The following AHSG variants were observed in gnomAD, a reference collection of about 807,000 sequenced individuals.
The protein encoded by AHSG is alpha-2-HS-glycoprotein.
In AHSG, 23 loss-of-function variants were observed where a neutral mutation model predicts 30.1. That is an observed-to-expected ratio of 0.76 (90% CI 0.55 to 1.08). AHSG has a LOEUF of 1.08. AHSG is among the 50% of genes least tolerant of loss of function. The probability of loss-of-function intolerance (pLI) is 0.00; values close to 1 mark genes in which losing one functional copy is unlikely to be tolerated. For synonymous variants in AHSG, 164 were observed against 186.3 expected (o/e 0.88, Z 0.98); for missense variants, 469 against 459.5 (o/e 1.02, Z -0.19).
Position 186,621,004 on chromosome 3 carries a change from T to TG in AHSG, c.*80dup, listed in dbSNP as rs1299682986. On this transcript the variant is annotated 3_prime_UTR_variant, in exon 7 of 7. Coordinates refer to ENST00000411641, the MANE Select transcript of AHSG (RefSeq NM_001622.4). ...CATTTTGTCCAAGCCTGGGCATGGGTGGGGGGCCTTGTCTGCTGGCCACGC... is the reference window on the plus strand; with the variant it reads ...CATTTTGTCCAAGCCTGGGCATGGGTGGGGGGGCCTTGTCTGCTGGCCACGC... The TG allele has an allele frequency of 5.5e-5, 79 of 1,444,154 alleles. No homozygotes were observed. Among genetic ancestry groups the TG allele is most frequent in the Non-Finnish European group, 7.1e-5 (75 of 1,058,582 alleles). The allele number at this position is 1,444,154 out of a possible 1,614,324, so 89.5% of individuals were successfully genotyped here.
At chr3:186,616,844 C>A (rs1378110090) in intron 3 of AHSG, among the ~76,000 whole-genome samples, 1 of 152,120 alleles carries the variant, frequency 6.6e-6, no homozygotes, top group African/African-American at 2.4e-5. Context: ...CGCCTGTAAT[C>A]CCAGCTACTA....
At position 186,620,763 on chromosome 3, in the gene AHSG, C is replaced by A. The variant is rs894849205; in HGVS notation, c.937C>A (p.His313Asn). ...TCCAGGACACCAGTTGCACCGGGCG[C>A]ACTACGACCTGCGCCACACCTTCAT... ...APPGHQLHRA[H>N]YDLRHTFMGV... Residue 313 changes from histidine to asparagine, a missense_variant, in exon 7 of 7, where the codon CAC becomes AAC. Transcript: ENST00000411641. The A allele has an allele frequency of 6.2e-7, 1 of 1,614,200 alleles. No homozygotes were observed. The highest frequency in any genetic ancestry group is 8.5e-7 in the Non-Finnish European group (1 of 1,180,050).
chr3:186,619,213 T>C (rs1364690111), intron 5 of AHSG, among the ~76,000 whole-genome samples: 1 of 152,030 alleles, frequency 6.6e-6, no homozygotes, highest in African/African-American at 2.4e-5. Flanking sequence ...AGGAGAATGG[T>C]GTGAACCCAG....
intron 1 of AHSG, among the ~76,000 whole-genome samples, chr3:186,615,194 G>C (rs1393996216): frequency 6.6e-6 from 1 of 151,946 alleles, no homozygotes; most frequent in Non-Finnish European, 1.5e-5. Flanking sequence ...AAGAAAGAAA[G>C]AAGGAGAGGG....
In AHSG at chr3:186,615,866, C is replaced by A. The variant is rs752028863; in HGVS notation, c.324+71C>A. 2.6e-5 allele frequency: 36 copies of A among 1,401,196 alleles called. 1 individual carries two copies. The highest frequency in any genetic ancestry group is 3.6e-4 in the Middle Eastern group (2 of 5,508). The allele number at this position is 1,401,196 out of a possible 1,614,324, so 86.8% of individuals were successfully genotyped here. A position where few individuals can be genotyped will look rare whatever the true frequency, so the allele number is the denominator to read the frequency against. ...TCCACCGATTCACCCAGCGTCTCAGCCTGCCTTCTTGGCTAGCCAGGGTGC... is the reference window on the plus strand; with the variant it reads ...TCCACCGATTCACCCAGCGTCTCAGACTGCCTTCTTGGCTAGCCAGGGTGC... On this transcript the variant is annotated intron_variant, in intron 2 of 6. Transcript: ENST00000411641.
At position 186,621,062 on chromosome 3, in the gene AHSG, T is replaced by C. The variant is rs145993365; in HGVS notation, c.*132T>C. The stretch of plus-strand genomic sequence containing the variant: ...ACATGCGATCTACATTAATATCAAG[T>C]CTTGACTCCCTACTTCCCGTCATTC... On this transcript the variant is annotated 3_prime_UTR_variant, in exon 7 of 7. Coordinates refer to ENST00000411641, the MANE Select transcript of AHSG (RefSeq NM_001622.4). 4.8e-6 allele frequency: 4 copies of C among 841,716 alleles called. No homozygotes were observed. The highest frequency in any genetic ancestry group is 2.9e-4 in the Middle Eastern group (1 of 3,406). 52.1% of individuals were successfully genotyped at this position (841,716 alleles called of 1,614,324 possible).
At chr3:186,619,688 T>G (rs1277367920) in intron 5 of AHSG, among the ~76,000 whole-genome samples, 169 bp from the exon 6 acceptor site, 2 of 152,152 alleles carry the variant, frequency 1.3e-5, no homozygotes, top group Admixed American at 1.3e-4. Flanking sequence ...ACTCTCAAAG[T>G]ATTTCTGTAT....
At chr3:186,616,985 T>TA (rs1485533801) in intron 3 of AHSG, among the ~76,000 whole-genome samples, 1 of 152,222 alleles carries the variant, frequency 6.6e-6, no homozygotes, top group Admixed American at 6.5e-5. Flanking sequence ...AAGTTATTCT[T>TA]ACTGGAAGTG....
intron 4 of AHSG, chr3:186,617,806 G>C (rs750856057): frequency 1.2e-5 from 3 of 243,510 alleles, no homozygotes; most frequent in Non-Finnish European, 2.5e-5. Context: ...AATGCCTTTC[G>C]AGTCACTGGA....
At chr3:186,616,352 A>G (rs1322845910) in intron 2 of AHSG, 91 bp from the exon 3 acceptor site, 2 of 929,200 alleles carry the variant, frequency 2.2e-6, no homozygotes, top group Non-Finnish European at 3.3e-6. Context: ...GCGATTTTGC[A>G]AGGGTCACCT....
chr3:186,613,444 G>T, intron 1 of AHSG, 90 bp downstream of exon 1: 1 of 1,198,892 alleles, frequency 8.3e-7, no homozygotes, highest in Non-Finnish European at 1.2e-6. Context: ...CAGTGCAAAT[G>T]AAACCACAGA....
At position 186,618,622 on chromosome 3, in the gene AHSG, C is replaced by T. The variant is rs769132385; in HGVS notation, c.660C>T (p.Asn220=). 6.2e-7 allele frequency: 1 copy of T among 1,614,096 alleles called. No homozygotes were observed. Among genetic ancestry groups the T allele is most frequent in the East Asian group, 2.2e-5 (1 of 44,878 alleles). ...AKEATEAAKC[N]LLAEKQYGFC... ...AGGCCACAGAGGCAGCCAAGTGTAA[C>T]CTGCTGGCAGAAAAGGTGAGTGGGC... The change falls in exon 5 of 7, where the codon AAC becomes AAT. Residue 220 remains asparagine, a synonymous_variant. Transcript: ENST00000411641.
chr3:186,617,407 A>C, intron 4 of AHSG, 57 bp downstream of exon 4: 1 of 1,613,676 alleles, frequency 6.2e-7, no homozygotes. Flanking sequence ...TCGGGAATGT[A>C]CTGTACGTGG....
Position 186,620,726 on chromosome 3 carries a change from A to T in AHSG, c.900A>T (p.Leu300Phe). ...PAGSPPDSHV[L>F]LAAPPGHQLH... The stretch of plus-strand genomic sequence containing the variant: ...GCTCACCCCCAGACTCCCATGTGTT[A>T]CTGGCAGCTCCTCCAGGACACCAGT... The change falls in exon 7 of 7, where the codon TTA becomes TTT. Residue 300 changes from leucine (L) to phenylalanine (F), a missense_variant. Coordinates refer to ENST00000411641, the MANE Select transcript of AHSG (RefSeq NM_001622.4). 6.2e-7 allele frequency: 1 copy of T among 1,614,032 alleles called. No individual in the cohort carries two copies. Among genetic ancestry groups the T allele is most frequent in the Non-Finnish European group, 8.5e-7 (1 of 1,179,994 alleles).
At position 186,621,133 on chromosome 3, in the gene AHSG, G is replaced by C. The variant is rs1438400961; in HGVS notation, c.*203G>C. ...TGGGTGGTGGTTATGTTTGACAGAAGGCATTAGGTTGACAACTTGTCATGA... is the reference window on the plus strand; with the variant it reads ...TGGGTGGTGGTTATGTTTGACAGAACGCATTAGGTTGACAACTTGTCATGA... On this transcript the variant is annotated 3_prime_UTR_variant, in exon 7 of 7. Transcript: ENST00000411641. The C allele has an allele frequency of 1.7e-6, 1 of 576,518 alleles. No individual in the cohort carries two copies. The highest frequency in any genetic ancestry group is 3.1e-6 in the Non-Finnish European group (1 of 327,218). 35.7% of individuals were successfully genotyped at this position (576,518 alleles called of 1,614,324 possible).
chr3:186,616,534 A>G lies in AHSG; in HGVS notation c.409+7A>G, dbSNP rs551537344. 11 of 1,601,390 alleles carry G rather than the reference A, an allele frequency of 6.9e-6. No homozygotes were observed. In the African/African-American group the frequency reaches 1.1e-4, roughly 16 times the overall value. ...AAATGTGATTCCAGTCCAGGTACAG[A>G]TGACTATTCTTATTCTCATTTTTTC... On this transcript the variant is annotated splice_region_variant and intron_variant, in intron 3 of 6. Transcript: ENST00000411641.
At chr3:186,618,761 T>C in intron 5 of AHSG, 124 bp downstream of exon 5, 2 of 1,451,314 alleles carry the variant, frequency 1.4e-6, no homozygotes, top group Non-Finnish European at 9.2e-7. Flanking sequence ...CCCCTCTCCC[T>C]GTGGATCACG....
chr3:186,620,399 G>T (rs1716444300), intron 6 of AHSG, among the ~76,000 whole-genome samples, 187 bp from the exon 7 acceptor site: 1 of 152,150 alleles, frequency 6.6e-6, no homozygotes, highest in Non-Finnish European at 1.5e-5. Context: ...GCCAACATAG[G>T]CCAGTCACCC....
In AHSG at chr3:186,618,646, G is replaced by A. The variant is rs766031984; in HGVS notation, c.675+9G>A. ...ACCTGCTGGCAGAAAAGGTGAGTGG[G>A]CCGGGACCTTGGGGTGTTACCACTC... On this transcript the variant is annotated intron_variant, in intron 5 of 6. Coordinates refer to ENST00000411641, the MANE Select transcript of AHSG (RefSeq NM_001622.4). The A allele has an allele frequency of 3.1e-6, 5 of 1,613,516 alleles. No homozygotes were observed. The African/African-American group carries it at 5.3e-5, about 17-fold the overall frequency.
Sources: allele counts gnomAD v4.1 joint callset (sites outside exome capture counted in the v4.1 genomes callset), GRCh38; gene constraint gnomAD v4.1.1; transcripts MANE v1.5; gene names NCBI Gene and HGNC (gene_info 2026-07-23, HGNC 2026-07-21).